IFRD1: variants seen among roughly 807,000 people sequenced by gnomAD.
IFRD1 encodes interferon related developmental regulator 1.
In IFRD1, 35 loss-of-function variants were observed where a neutral mutation model predicts 52.9. The observed-to-expected ratio is 0.66, with a 90% CI of 0.51 to 0.88. The LOEUF (loss-of-function observed/expected upper bound fraction) is 0.88, where lower values mean the gene tolerates loss of function less well. Among genes scored for constraint, IFRD1 ranks in the 40% least tolerant of loss-of-function variants. IFRD1 has a pLI of 0.00. For synonymous variants in IFRD1, 184 were observed against 188.4 expected (o/e 0.98, Z 0.19); for missense variants, 517 against 550.8 (o/e 0.94, Z 0.61).
intron 1 of IFRD1, among the ~76,000 whole-genome samples, chr7:112,423,963 A>G (rs1794374627): frequency 6.6e-6 from 1 of 152,248 alleles, no homozygotes; most frequent in African/African-American, 2.4e-5. Flanking sequence ...CACTGCTTGC[A>G]GAGTCCAGTT....
At chr7:112,455,407 C>A (rs763537766) in intron 1 of IFRD1, among the ~76,000 whole-genome samples, 3 of 152,032 alleles carry the variant, frequency 2.0e-5, no homozygotes, top group African/African-American at 7.2e-5. Flanking sequence ...ATTGCTCGAA[C>A]CCAGGAGGTG....
chr7:112,450,769 G>A lies in IFRD1; in HGVS notation c.81G>A (p.Thr27=), dbSNP rs1333127742. The A allele has an allele frequency of 3.1e-6, 5 of 1,611,970 alleles. No homozygotes were observed. Among genetic ancestry groups the A allele is most frequent in the Non-Finnish European group, 4.2e-6 (5 of 1,179,260 alleles). The change falls in exon 1 of 12, where the codon ACG becomes ACA. Residue 27 remains threonine (T), a synonymous_variant. Coordinates refer to ENST00000403825, the MANE Select transcript of IFRD1 (RefSeq NM_001550.4). The stretch of plus-strand genomic sequence containing the variant: ...GCGGGTCAGGAGCAGCCGCAGCGAC[G>A]GCGGCGACAGCAGGTAAGGGGTATC... ...GGGGSGAAAA[T]AATAGGQHRN...
rs780645936 is a variant in IFRD1 at position 112,467,937 on chromosome 7, A to G, written c.907-44A>G. The G allele has an allele frequency of 2.5e-6, 4 of 1,591,738 alleles. No homozygotes were observed. The East Asian group carries it at 9.0e-5, about 36-fold the overall frequency. ...TGTTAGCTCTATATGAGGTCAGAAA[A>G]GAAAAATAATAATAAAGGAAACAAA... On this transcript the variant is annotated intron_variant, in intron 8 of 11. Transcript: ENST00000403825.
intron 8 of IFRD1, among the ~76,000 whole-genome samples, chr7:112,464,681 CTT>C (rs1215797211): frequency 2.0e-5 from 3 of 152,102 alleles, no homozygotes; most frequent in Non-Finnish European, 4.4e-5. Context: ...TGTAGAGTAA[CTT>C]AATATAAGAG....
intron 1 of IFRD1, chr7:112,452,608 A>G (rs570302092): frequency 1.4e-3 from 297 of 211,520 alleles, no homozygotes; most frequent in Non-Finnish European, 2.0e-3. Flanking sequence ...GGCCTAGATC[A>G]CGCACAAACC....
At position 112,456,716 on chromosome 7, in the gene IFRD1, A is replaced by G. The variant is rs1022205524; in HGVS notation, c.285-198A>G. 2.0e-5 allele frequency among the ~76,000 whole-genome samples: 3 copies of G among 152,238 alleles called. No individual in the cohort carries two copies. In the East Asian group the frequency reaches 5.8e-4, roughly 29 times the overall value. Reference sequence around the variant, plus strand: ...TAAGAAAAATGCCATGATATAAAGCAGCCTTAAGTGTTTTGTGTAACAAGG... The same window carrying G: ...TAAGAAAAATGCCATGATATAAAGCGGCCTTAAGTGTTTTGTGTAACAAGG... On this transcript the variant is annotated intron_variant, in intron 3 of 11. Coordinates refer to ENST00000403825, the MANE Select transcript of IFRD1 (RefSeq NM_001550.4).
intron 8 of IFRD1, among the ~76,000 whole-genome samples, chr7:112,466,951 A>T (rs1487227751): frequency 6.6e-6 from 1 of 152,210 alleles, no homozygotes; most frequent in Non-Finnish European, 1.5e-5. Context: ...ACTTAGATAT[A>T]GGAGGTTGAA....
At chr7:112,453,674 A>G (rs1795219844) in intron 1 of IFRD1, among the ~76,000 whole-genome samples, 2 of 152,142 alleles carry the variant, frequency 1.3e-5, no homozygotes, top group South Asian at 2.1e-4. Context: ...CCAGAAATAG[A>G]GTGTGATGTC....
At position 112,457,034 on chromosome 7, in the gene IFRD1, A is replaced by T. The variant is rs899954614; in HGVS notation, c.405A>T (p.Lys135Asn). 2.5e-6 allele frequency: 4 copies of T among 1,613,886 alleles called. No individual in the cohort carries two copies. Among genetic ancestry groups the T allele is most frequent in the Non-Finnish European group, 3.4e-6 (4 of 1,179,900 alleles). ...CTGATAGCATTGAACGCTGCCTGAA[A>T]AAAGGTAATGCCCTTATTTTTGAGT... ...TLTDSIERCL[K>N]KGKSDEQRAA... Residue 135 changes from lysine to asparagine, a missense_variant, in exon 4 of 12, where the codon AAA (lysine) becomes AAT (asparagine). Transcript: ENST00000403825.
intron 4 of IFRD1, 158 bp downstream of exon 4, chr7:112,457,196 T>C: frequency 1.4e-6 from 1 of 737,822 alleles, no homozygotes. Flanking sequence ...AAAATGAGAC[T>C]TGTTAGAACT....
At chr7:112,437,400 A>C (rs1326446545) in intron 1 of IFRD1, 1 of 152,948 alleles carries the variant, frequency 6.5e-6, no homozygotes, top group African/African-American at 2.4e-5. Flanking sequence ...TATAATAATG[A>C]TGATGATGAT....
intron 1 of IFRD1, among the ~76,000 whole-genome samples, chr7:112,440,489 T>C (rs1794853521): frequency 5.3e-5 from 8 of 152,216 alleles, no homozygotes; most frequent in Admixed American, 5.2e-4. Context: ...GTCAATTCAG[T>C]TTGGCATAGG....
In IFRD1 at chr7:112,450,784, T is replaced by C; in HGVS notation, c.94+2T>C. On this transcript the variant is annotated splice_donor_variant, in intron 1 of 11. Transcript: ENST00000403825. LOFTEE classifies it high-confidence loss of function. ...CCGCAGCGACGGCGGCGACAGCAGG[T>C]AAGGGGTATCCCCGCCGCCGGCATC... 1.9e-6 allele frequency: 3 copies of C among 1,608,510 alleles called. No individual in the cohort carries two copies. The South Asian group carries it at 3.3e-5, about 18-fold the overall frequency.
intron 1 of IFRD1, among the ~76,000 whole-genome samples, chr7:112,428,131 A>T (rs1794468052): frequency 6.6e-6 from 1 of 152,200 alleles, no homozygotes; most frequent in African/African-American, 2.4e-5. Context: ...AGATGTAAAA[A>T]CTTTCAAGGC....
chr7:112,434,513 T>G (rs547082687), intron 1 of IFRD1, among the ~76,000 whole-genome samples: 77 of 152,348 alleles, frequency 5.1e-4, no homozygotes, highest in African/African-American at 1.8e-3. Flanking sequence ...GATAACACAT[T>G]TTTAATATGT....
chr7:112,466,026 G>T (rs905940997), intron 8 of IFRD1, among the ~76,000 whole-genome samples: 1 of 152,158 alleles, frequency 6.6e-6, no homozygotes, highest in African/African-American at 2.4e-5. Flanking sequence ...GTAGATTGAT[G>T]ATTCTGATCT....
In IFRD1 at chr7:112,456,095, T is replaced by C; in HGVS notation, c.284+9T>C. 6.8e-7 allele frequency: 1 copy of C among 1,461,664 alleles called. No homozygotes were observed. The highest frequency in any genetic ancestry group is 9.6e-7 in the Non-Finnish European group (1 of 1,041,050). 90.5% of individuals were successfully genotyped at this position (1,461,664 alleles called of 1,614,324 possible). On this transcript the variant is annotated intron_variant, in intron 3 of 11. Transcript: ENST00000403825. ...CTAACCCTGGATAAGAGGTAGGCAA[T>C]ACTGGAAACTCCATTCTGTGTGAGT... is the stretch of plus-strand genomic sequence containing the variant.
rs545460191 is a variant in IFRD1 at position 112,468,023 on chromosome 7, A to C, written c.949A>C (p.Arg317=). 46 of 1,614,052 alleles carry C rather than the reference A, an allele frequency of 2.8e-5. No homozygotes were observed. In the South Asian group the frequency reaches 4.5e-4, roughly 16 times the overall value. ...EDMESLTQML[R]ALATDGNKHR... ...CATGGAGTCCTTGACGCAGATGCTT[A>C]GGGCCTTGGCAACAGATGGAAATAA... The change falls in exon 9 of 12, where the codon AGG becomes CGG. Residue 317 remains arginine (R), a synonymous_variant. Coordinates refer to ENST00000403825, the MANE Select transcript of IFRD1 (RefSeq NM_001550.4).
At chr7:112,434,271 T>C (rs930287078) in intron 1 of IFRD1, among the ~76,000 whole-genome samples, 3 of 152,164 alleles carry the variant, frequency 2.0e-5, no homozygotes, top group Admixed American at 6.5e-5. Flanking sequence ...GCACTGAACA[T>C]AGGTACCAAG....
Sources: gnomAD v4.1 joint callset for allele counts (sites outside exome capture counted in the v4.1 genomes callset) on GRCh38, gnomAD v4.1.1 for gene constraint, MANE v1.5 for transcripts, NCBI Gene and HGNC (gene_info 2026-07-23, HGNC 2026-07-21) for gene names.